Variants in GRIK4 observed in about 807,000 individuals in gnomAD.
GRIK4 encodes the protein glutamate receptor ionotropic, kainate 4.
Under a neutral mutation model 104.9 loss-of-function variants are expected in GRIK4, and 40 were observed. The observed-to-expected ratio is 0.38, with a 90% CI of 0.30 to 0.50. GRIK4 has a LOEUF of 0.50. Ranked by LOEUF, GRIK4 falls within the 20% of genes least tolerant of loss-of-function variation. GRIK4 has a pLI of 0.93. For missense variants in GRIK4, 1,047 were observed against 1,308.1 expected, an observed-to-expected ratio of 0.80 and a Z score of 3.08; for synonymous variants, 485 against 524.9, an observed-to-expected ratio of 0.92 and a Z score of 1.04.
rs991433040 is a variant in GRIK4, at chr11:120,899,438, A to G, written c.1272+799A>G. 9.8e-3 allele frequency among the ~76,000 whole-genome samples: 1,479 copies of G among 151,612 alleles called. 19 individuals carry two copies. Among genetic ancestry groups the G allele is most frequent in the Non-Finnish European group, 0.017 (1,135 of 67,870 alleles). On this transcript the variant is annotated intron_variant, in intron 12 of 20. Coordinates refer to ENST00000527524, the MANE Select transcript of GRIK4 (RefSeq NM_014619.5). ...TGTCTCAAAAAAAAAAAAAAAAAAAAAAATACAGGGCAAGAGACCATGTGC... is the reference window on the plus strand; with the variant it reads ...TGTCTCAAAAAAAAAAAAAAAAAAAGAAATACAGGGCAAGAGACCATGTGC...
intron 2 of GRIK4, among the ~76,000 whole-genome samples, chr11:120,658,010 A>G (rs1225648141): frequency 6.6e-6 from 1 of 152,224 alleles, no homozygotes; most frequent in Non-Finnish European, 1.5e-5. Flanking sequence ...CTGGACTTCC[A>G]ACAGCACAGA....
At chr11:120,970,917 G>A (rs1320692211) in intron 19 of GRIK4, among the ~76,000 whole-genome samples, 2 of 152,170 alleles carry the variant, frequency 1.3e-5, no homozygotes, top group Admixed American at 1.3e-4. Context: ...TCACTCCATA[G>A]ATGCCCTTGT....
intron 1 of GRIK4, among the ~76,000 whole-genome samples, chr11:120,519,335 G>A (rs1483146283): frequency 5.3e-5 from 8 of 152,162 alleles, no homozygotes; most frequent in Admixed American, 5.2e-4. Flanking sequence ...ATTAGGAGGT[G>A]GGGCATTTGG....
chr11:120,662,118 C>T (rs929466371), intron 3 of GRIK4, among the ~76,000 whole-genome samples: 4 of 152,232 alleles, frequency 2.6e-5, no homozygotes, highest in South Asian at 2.1e-4. Flanking sequence ...TCGCCTCTCC[C>T]GACACTTGTG....
intron 13 of GRIK4, among the ~76,000 whole-genome samples, chr11:120,914,226 A>C (rs1344698328): frequency 6.6e-6 from 1 of 152,264 alleles, no homozygotes; most frequent in Admixed American, 6.5e-5. Context: ...CGGACAGGTA[A>C]ACCAAGAATT....
chr11:120,673,350 G>C (rs2135270665), intron 3 of GRIK4, among the ~76,000 whole-genome samples: 1 of 152,320 alleles, frequency 6.6e-6, no homozygotes, highest in East Asian at 1.9e-4. Flanking sequence ...AGGCAGAGAT[G>C]GGCGGTCTCA....
At chr11:120,579,259 G>A (rs973411923) in intron 1 of GRIK4, among the ~76,000 whole-genome samples, 7 of 152,146 alleles carry the variant, frequency 4.6e-5, no homozygotes, top group African/African-American at 1.7e-4. Flanking sequence ...ATGAGGCGTG[G>A]GGGTGCGGAA....
At chr11:120,970,457 T>TTC (rs1390228095) in intron 19 of GRIK4, among the ~76,000 whole-genome samples, 1 of 152,190 alleles carries the variant, frequency 6.6e-6, no homozygotes, top group Non-Finnish European at 1.5e-5. Flanking sequence ...TTCCATTTGA[T>TTC]CTCTTGAGCC....
At chr11:120,767,559 C>A (rs1245667665) in intron 3 of GRIK4, among the ~76,000 whole-genome samples, 1 of 151,880 alleles carries the variant, frequency 6.6e-6, no homozygotes, top group African/African-American at 2.4e-5. Flanking sequence ...TATGTAGTCC[C>A]ATTTATTTAT....
At chr11:120,540,801 G>A (rs58313956) in intron 1 of GRIK4, among the ~76,000 whole-genome samples, 1 of 151,502 alleles carries the variant, frequency 6.6e-6, no homozygotes, top group African/African-American at 2.4e-5. Flanking sequence ...TTTTCAAAGA[G>A]GACTTTGGAC....
At chr11:120,839,564 A>C (rs1032671996) in intron 8 of GRIK4, among the ~76,000 whole-genome samples, 6 of 152,248 alleles carry the variant, frequency 3.9e-5, no homozygotes, top group Admixed American at 1.3e-4. Context: ...CCATGGGCTA[A>C]AATGAATGGA....
At chr11:120,753,019 C>G (rs1271440029) in intron 3 of GRIK4, among the ~76,000 whole-genome samples, 1 of 152,184 alleles carries the variant, frequency 6.6e-6, no homozygotes, top group Non-Finnish European at 1.5e-5. Context: ...AGGAAGTGGT[C>G]CTGAGGGAAG....
At position 120,988,489 on chromosome 11, in the gene GRIK4, A is replaced by G. The variant is rs1944794091; in HGVS notation, c.*2229A>G. On this transcript the variant is annotated 3_prime_UTR_variant, in exon 21 of 21. Coordinates refer to ENST00000527524, the MANE Select transcript of GRIK4 (RefSeq NM_014619.5). Reference sequence around the variant, plus strand: ...AATAGCAAACTTTTTTTAATGGATTAGTGAAATAAATGTCCCCATGCATCA... The same window carrying G: ...AATAGCAAACTTTTTTTAATGGATTGGTGAAATAAATGTCCCCATGCATCA... The G allele has an allele frequency of 6.6e-6, 1 of 152,314 alleles. No homozygotes were observed. Among genetic ancestry groups the G allele is most frequent in the South Asian group, 2.1e-4 (1 of 4,822 alleles). 9.4% of individuals were successfully genotyped at this position (152,314 alleles called of 1,614,324 possible).
intron 1 of GRIK4, among the ~76,000 whole-genome samples, chr11:120,526,694 TGG>T (rs1365680835): frequency 2.6e-5 from 4 of 151,976 alleles, no homozygotes; most frequent in Non-Finnish European, 4.4e-5. Flanking sequence ...TAACCAGGTG[TGG>T]TGGCACATGC....
At chr11:120,846,219 G>A (rs1953848993) in intron 8 of GRIK4, among the ~76,000 whole-genome samples, 3 of 152,168 alleles carry the variant, frequency 2.0e-5, no homozygotes. Context: ...CCAAGTTATA[G>A]GATTATAAAA....
intron 1 of GRIK4, among the ~76,000 whole-genome samples, chr11:120,558,551 G>T (rs1280001977): frequency 6.6e-6 from 1 of 152,178 alleles, no homozygotes; most frequent in Non-Finnish European, 1.5e-5. Context: ...TCACGCCACT[G>T]AACTCCAGCC....
chr11:120,763,061 A>C (rs531385116), intron 3 of GRIK4, among the ~76,000 whole-genome samples: 1 of 152,282 alleles, frequency 6.6e-6, no homozygotes, highest in South Asian at 2.1e-4. Context: ...TCAGCTGTGA[A>C]TCTGTCTTGT....
intron 8 of GRIK4, among the ~76,000 whole-genome samples, chr11:120,838,255 C>T (rs761232544): frequency 3.9e-5 from 6 of 152,112 alleles, no homozygotes; most frequent in Middle Eastern, 3.2e-3. Context: ...TTGGTTGAGT[C>T]GCAGTGACTC....
intron 8 of GRIK4, among the ~76,000 whole-genome samples, chr11:120,845,446 G>T (rs7945271): frequency 1.3e-5 from 2 of 152,018 alleles, no homozygotes; most frequent in Non-Finnish European, 2.9e-5. Flanking sequence ...TCACTTACCT[G>T]TCAAGTATTT....
Sources: gnomAD v4.1 joint callset for allele counts (sites outside exome capture counted in the v4.1 genomes callset) on GRCh38, gnomAD v4.1.1 for gene constraint, MANE v1.5 for transcripts, NCBI Gene and HGNC (gene_info 2026-07-23, HGNC 2026-07-21) for gene names.